The following SLC2A7 variants were observed in gnomAD, a reference collection of about 807,000 sequenced individuals.
SLC2A7 encodes solute carrier family 2, facilitated glucose transporter member 7.
A neutral mutation model predicts 50.5 loss-of-function variants in SLC2A7; 50 were observed. That is an observed-to-expected ratio of 0.99 (90% CI 0.79 to 1.25). The LOEUF (loss-of-function observed/expected upper bound fraction) is 1.25, where lower values mean the gene tolerates loss of function less well. Ranked by LOEUF, SLC2A7 falls within the 50% of genes most tolerant of loss-of-function variation. SLC2A7 has a pLI of 0.00. For missense variants in SLC2A7, 683 were observed against 679.1 expected, an observed-to-expected ratio of 1.01 and a Z score of -0.06; for synonymous variants, 308 against 300.4, an observed-to-expected ratio of 1.03 and a Z score of -0.26.
chr1:9,023,835 CTTCTTTTTTTTTTTTTTTTT>C lies in SLC2A7; in HGVS notation c.151-777_151-758del, dbSNP rs1289587574. ...CAGAGGCACCATAGGAAATATTCTT[CTTCTTTTTTTTTTTTTTTTT>C]TTTTTTTTTTTTTTTTTTGAGATGA... On this transcript the variant is annotated intron_variant, in intron 2 of 11. Coordinates refer to ENST00000400906, the MANE Select transcript of SLC2A7 (RefSeq NM_207420.3). 1.4e-4 allele frequency among the ~76,000 whole-genome samples: 9 copies of C among 65,996 alleles called. No individual in the cohort carries two copies. In the East Asian group the frequency reaches 2.0e-3, roughly 15 times the overall value. 43.3% of individuals were successfully genotyped at this position (65,996 alleles called of 152,430 possible).
In SLC2A7 at chr1:9,019,260, T is replaced by A. The variant is rs138210379; in HGVS notation, c.385A>T (p.Lys129Ter). The change falls in exon 4 of 12, where the codon AAG becomes TAG. Residue 129 changes from lysine (K) to a stop codon, truncating the protein, a stop_gained. Transcript: ENST00000400906. LOFTEE classifies it high-confidence loss of function. Reference protein sequence around the residue: ...AILMGVSKVAKAFELIVFSRV... With the variant: ...AILMGVSKVA ...GAAAAGACGATCAGCTCAAAAGCCT[T>A]GGCCACTTTGCTGACTCCCATCAGG... 1.2e-6 allele frequency: 2 copies of A among 1,614,060 alleles called. No homozygotes were observed. The highest frequency in any genetic ancestry group is 2.7e-5 in the African/African-American group (2 of 75,020).
chr1:9,007,314 C>A lies in SLC2A7; in HGVS notation c.1188G>T (p.Gly396=). 1 of 1,614,196 alleles carries A rather than the reference C, an allele frequency of 6.2e-7. No individual in the cohort carries two copies. Among genetic ancestry groups the A allele is most frequent in the Non-Finnish European group, 8.5e-7 (1 of 1,180,018 alleles). Reference sequence around the variant, plus strand: ...GGGAGGCGTGCAGGTACTCACTGGGCCCAATGGAATGTCCCGCGATGTAGG... The same window carrying A: ...GGGAGGCGTGCAGGTACTCACTGGGACCAATGGAATGTCCCGCGATGTAGG... ...VFAYIAGHSI[G]PSPVPSVVRT... The change falls in exon 10 of 12, where the codon GGG becomes GGT. Residue 396 remains glycine (G), a synonymous_variant. Transcript: ENST00000400906.
At chr1:9,024,007 C>T (rs752090593) in intron 2 of SLC2A7, among the ~76,000 whole-genome samples, 1 of 151,862 alleles carries the variant, frequency 6.6e-6, no homozygotes, top group African/African-American at 2.4e-5. Context: ...AGATACCCGC[C>T]ACCATGCCTG....
At chr1:9,022,792 G>A (rs796810450) in intron 3 of SLC2A7, 126 bp downstream of exon 3, 46 of 1,287,508 alleles carry the variant, frequency 3.6e-5, no homozygotes, top group African/African-American at 5.9e-5. Flanking sequence ...GTGGCCAAGC[G>A]GAGACTAGAC....
the SLC2A7 span, among the ~76,000 whole-genome samples, chr1:8,997,602 G>T: frequency 6.6e-6 from 1 of 152,184 alleles, no homozygotes; most frequent in South Asian, 2.1e-4. Context: ...GTTTCACCAT[G>T]TTGACCAGGC....
At chr1:9,017,539 T>G (rs563695449) in intron 5 of SLC2A7, among the ~76,000 whole-genome samples, 3 of 152,350 alleles carry the variant, frequency 2.0e-5, no homozygotes, top group Admixed American at 6.5e-5. Flanking sequence ...CAGACCCTTT[T>G]TGTCCAATGC....
Position 9,015,218 on chromosome 1 carries a change from G to A in SLC2A7, c.614C>T (p.Thr205Ile). ...CAGCTGCAGCAGGGCGGGCACCCCT[G>A]TGAGCGCCAGAAGCACCGGCCAGCC... is the stretch of plus-strand genomic sequence containing the variant. ...PAGWPVLLAL[T>I]GVPALLQLLT... Residue 205 changes from threonine to isoleucine, a missense_variant, in exon 6 of 12, where the codon ACA becomes ATA. Coordinates refer to ENST00000400906, the MANE Select transcript of SLC2A7 (RefSeq NM_207420.3). 1 of 1,604,516 alleles carries A rather than the reference G, an allele frequency of 6.2e-7. No homozygotes were observed. The highest frequency in any genetic ancestry group is 8.5e-7 in the Non-Finnish European group (1 of 1,176,860).
At chr1:8,994,051 A>C in the SLC2A7 span, among the ~76,000 whole-genome samples, 14 of 152,228 alleles carry the variant, frequency 9.2e-5, no homozygotes, top group African/African-American at 3.1e-4. Flanking sequence ...AATCAGCACT[A>C]TTTTTTTCTA....
downstream of SLC2A7, among the ~76,000 whole-genome samples, chr1:9,002,592 C>T (rs1640590379): frequency 1.3e-5 from 2 of 152,304 alleles, no homozygotes; most frequent in East Asian, 1.9e-4. Flanking sequence ...TATAGTCCTG[C>T]CACATCCCCC....
chr1:9,003,240 G>T lies in SLC2A7; in HGVS notation c.*60C>A. On this transcript the variant is annotated 3_prime_UTR_variant, in exon 12 of 12. Transcript: ENST00000400906. ...TATCCTCCCCAGAGCCTGGGGCCGG[G>T]AGGCCCATTGTCATAGAAGGAAGCC... is the stretch of plus-strand genomic sequence containing the variant. The T allele has an allele frequency of 6.6e-7, 1 of 1,507,598 alleles. No individual in the cohort carries two copies. The highest frequency in any genetic ancestry group is 9.1e-7 in the Non-Finnish European group (1 of 1,095,966). 93.4% of individuals were successfully genotyped at this position (1,507,598 alleles called of 1,614,324 possible).
In SLC2A7 at chr1:9,015,173, G is replaced by C. The variant is rs746769035; in HGVS notation, c.659C>G (p.Pro220Arg). Reference sequence around the variant, plus strand: ...AATCAGGGAGTAGCGGGGGCTTTCGGGGAAGAAGGGCAGGGTCAGCAGCTG... The same window carrying C: ...AATCAGGGAGTAGCGGGGGCTTTCGCGGAAGAAGGGCAGGGTCAGCAGCTG... ...LLQLLTLPFFPESPRYSLIQK... is the reference protein window; with the variant it reads ...LLQLLTLPFFRESPRYSLIQK... The change falls in exon 6 of 12, where the codon CCC (proline) becomes CGC (arginine). Residue 220 changes from proline to arginine, a missense_variant. Physicochemically the swap from Pro to Arg is moderately radical, Grantham distance 103. Coordinates refer to ENST00000400906, the MANE Select transcript of SLC2A7 (RefSeq NM_207420.3). 2 of 1,612,784 alleles carry C rather than the reference G, an allele frequency of 1.2e-6. No homozygotes were observed. Among genetic ancestry groups the C allele is most frequent in the East Asian group, 4.5e-5 (2 of 44,852 alleles).
chr1:9,000,983 C>T (rs7547865), downstream of SLC2A7, among the ~76,000 whole-genome samples: 3,493 of 152,194 alleles, frequency 0.023, 112 homozygotes, highest in African/African-American at 0.079. Flanking sequence ...CCATTCCCAC[C>T]GAGTCCTATC....
chr1:8,997,867 A>AT, the SLC2A7 span, among the ~76,000 whole-genome samples: 1 of 151,878 alleles, frequency 6.6e-6, no homozygotes, highest in African/African-American at 2.4e-5. Flanking sequence ...CAATTTATCA[A>AT]TTTTTTCTTT....
At chr1:9,015,029 C>T in intron 6 of SLC2A7, 88 bp downstream of exon 6, 2 of 1,570,080 alleles carry the variant, frequency 1.3e-6, no homozygotes, top group African/African-American at 2.7e-5. Context: ...ACCCCTGACC[C>T]ATGGCGACCC....
chr1:9,022,727 A>G (rs559030291), intron 3 of SLC2A7, among the ~76,000 whole-genome samples, 191 bp downstream of exon 3: 8 of 152,220 alleles, frequency 5.3e-5, no homozygotes, highest in East Asian at 1.9e-4. Context: ...CCATGCAACT[A>G]CCTAGGAAAG....
the SLC2A7 span, among the ~76,000 whole-genome samples, chr1:8,993,122 C>T: frequency 6.6e-6 from 1 of 152,128 alleles, no homozygotes; most frequent in Non-Finnish European, 1.5e-5. Flanking sequence ...TGGCGGAAGG[C>T]AAGGAGGAGC....
chr1:8,996,968 G>A, the SLC2A7 span, among the ~76,000 whole-genome samples: 8 of 152,066 alleles, frequency 5.3e-5, no homozygotes, highest in Non-Finnish European at 1.0e-4. Context: ...AGTAGAGACG[G>A]GGTTTCACCA....
At chr1:8,995,099 C>A in the SLC2A7 span, among the ~76,000 whole-genome samples, 1 of 151,346 alleles carries the variant, frequency 6.6e-6, no homozygotes, top group Non-Finnish European at 1.5e-5. Context: ...CAAGGTCACA[C>A]GTCTCCCCAC....
the SLC2A7 span, among the ~76,000 whole-genome samples, chr1:8,996,933 G>A: frequency 1.3e-5 from 2 of 151,824 alleles, no homozygotes; most frequent in Admixed American, 6.6e-5. Context: ...GTGCCACCAC[G>A]CCCGGCTAAT....
Sources: allele counts gnomAD v4.1 joint callset (sites outside exome capture counted in the v4.1 genomes callset), GRCh38; gene constraint gnomAD v4.1.1; transcripts MANE v1.5; gene names NCBI Gene and HGNC (gene_info 2026-07-23, HGNC 2026-07-21).